The following PPFIA4 variants were observed in gnomAD, a reference collection of about 807,000 sequenced individuals.
PPFIA4 encodes the protein PPFI scaffold protein A4.
In PPFIA4, 98 loss-of-function variants were observed where a neutral mutation model predicts 145.7. The ratio of observed to expected loss-of-function variants is 0.67; its 90% CI spans 0.57 to 0.80. The LOEUF (loss-of-function observed/expected upper bound fraction) is 0.80, where lower values mean the gene tolerates loss of function less well. PPFIA4 is among the 30% of genes least tolerant of loss of function. PPFIA4 has a pLI of 0.00. For missense variants in PPFIA4, 1,457 were observed against 1,632.7 expected (o/e 0.89, Z 1.85); for synonymous variants, 628 against 649.6 (o/e 0.97, Z 0.51).
intron 25 of PPFIA4, 84 bp downstream of exon 25, chr1:203,064,087 C>CA: frequency 6.9e-7 from 1 of 1,441,228 alleles, no homozygotes; most frequent in Non-Finnish European, 9.4e-7. Flanking sequence ...ACAGAGGTGC[C>CA]TCCATCTCTT....
intron 13 of PPFIA4, among the ~76,000 whole-genome samples, chr1:203,050,144 T>C (rs1160767767): frequency 6.6e-6 from 1 of 152,148 alleles, no homozygotes; most frequent in Admixed American, 6.5e-5. Flanking sequence ...CCAGTTCTCT[T>C]GAGAGTCAAG....
At position 203,045,886 on chromosome 1, in the gene PPFIA4, G is replaced by A. The variant is rs1337287156; in HGVS notation, c.904G>A (p.Glu302Lys). Residue 302 changes from glutamate (E) to lysine (K), a missense_variant, in exon 8 of 30, where the codon GAG (glutamate) becomes AAG (lysine). By Grantham distance (56) the Glu-to-Lys change is moderately conservative (BLOSUM62 1). Around this residue, in one of 3 missense-constraint regions of PPFIA4, gnomAD observed 463 missense variants for 459.8 expected, o/e 1.01. Coordinates refer to ENST00000295706, the MANE Select transcript of PPFIA4 (RefSeq NM_001304331.2). Reference protein sequence around the residue: ...EDMEERITTLEKRYLAAQREA... With the variant: ...EDMEERITTLKKRYLAAQREA... The stretch of plus-strand genomic sequence containing the variant: ...CATGGAAGAGCGGATTACTACACTG[G>A]AGAAGCGCTACCTGGCTGCTCAGCG... 2.5e-6 allele frequency: 4 copies of A among 1,612,910 alleles called. No individual in the cohort carries two copies. Among genetic ancestry groups the A allele is most frequent in the Non-Finnish European group, 2.5e-6 (3 of 1,179,894 alleles).
In PPFIA4 at chr1:203,039,137, T is replaced by C; in HGVS notation, c.129T>C (p.Ser43=). The change falls in exon 2 of 30, where the codon TCT becomes TCC. Residue 43 remains serine, a synonymous_variant. Coordinates refer to ENST00000295706, the MANE Select transcript of PPFIA4 (RefSeq NM_001304331.2). ...ACGAGCGGGAGAAGTTGCTGGAGTC[T>C]CTTCGGGAGAGTCAGGAGACCTTGG... The part of the protein sequence containing the change: ...MLDEREKLLE[S]LRESQETLAA... The C allele has an allele frequency of 6.2e-7, 1 of 1,607,884 alleles. No homozygotes were observed. The highest frequency in any genetic ancestry group is 1.1e-5 in the South Asian group (1 of 90,196).
chr1:203,076,342 T>C lies in PPFIA4; in HGVS notation c.3576T>C (p.Ala1192=). 6.2e-7 allele frequency: 1 copy of C among 1,605,542 alleles called. No individual in the cohort carries two copies. The highest frequency in any genetic ancestry group is 8.5e-7 in the Non-Finnish European group (1 of 1,179,692). ...PAPPKKIMPE[A]HSHYLYGHML... is the part of the protein sequence containing the mutation. Reference sequence around the variant, plus strand: ...TGCCTGTCTCTCTCTCTCCCTCAGCTCACTCCCACTATCTCTACGGACACA... The same window carrying C: ...TGCCTGTCTCTCTCTCTCCCTCAGCCCACTCCCACTATCTCTACGGACACA... The change falls in exon 30 of 30, where the codon GCT becomes GCC. Residue 1192 remains alanine (A), a splice_region_variant and synonymous_variant. Transcript: ENST00000295706.
Position 203,075,955 on chromosome 1 carries a change from C to A in PPFIA4, c.3574+198C>A. 1 of 597,442 alleles carries A rather than the reference C, an allele frequency of 1.7e-6. No homozygotes were observed. Among genetic ancestry groups the A allele is most frequent in the Non-Finnish European group, 2.6e-6 (1 of 378,104 alleles). 37.0% of individuals were successfully genotyped at this position (597,442 alleles called of 1,614,324 possible). A position where few individuals can be genotyped will look rare whatever the true frequency, so the allele number is the denominator to read the frequency against. On this transcript the variant is annotated intron_variant, in intron 29 of 29. Coordinates refer to ENST00000295706, the MANE Select transcript of PPFIA4 (RefSeq NM_001304331.2). This position sits in a 1 kb window ranked among gnomAD's most constrained non-coding sequence, Gnocchi z 4.1. ...GCTCTGTGTGTTCTCCCGCGGCTGC[C>A]GACTTCTCCCAGCTGGGACGGCGGG...
At position 203,046,303 on chromosome 1, in the gene PPFIA4, T is replaced by C. The variant is rs772021603; in HGVS notation, c.1061T>C (p.Leu354Pro). The C allele has an allele frequency of 1.1e-5, 17 of 1,596,172 alleles. No homozygotes were observed. Among genetic ancestry groups the C allele is most frequent in the Non-Finnish European group, 1.3e-5 (15 of 1,172,182 alleles). Residue 354 changes from leucine to proline, a missense_variant, in exon 9 of 30, where the codon CTG becomes CCG. Coordinates refer to ENST00000295706, the MANE Select transcript of PPFIA4 (RefSeq NM_001304331.2). ...QELLEVAEQK[L>P]QQTMRKAETL... ...CTGCTGGAGGTGGCAGAGCAGAAGC[T>C]GCAGCAGACGATGCGCAAGGCAGAG...
At chr1:203,059,341 G>A in intron 20 of PPFIA4, 70 bp downstream of exon 20, 1 of 1,313,750 alleles carries the variant, frequency 7.6e-7, no homozygotes, top group Non-Finnish European at 1.1e-6. Flanking sequence ...CCCCTGGGCT[G>A]CTGTGAAACT....
At position 203,064,114 on chromosome 1, in the gene PPFIA4, A is replaced by T. The variant is rs149220095; in HGVS notation, c.3050+111A>T. On this transcript the variant is annotated intron_variant, in intron 25 of 29. Transcript: ENST00000295706. The stretch of plus-strand genomic sequence containing the variant: ...CCATCTCTTTCCGTGGTCTGTTCTG[A>T]GTGGCAACAGGTCTCCCCCTTGGGA... 216 of 1,176,902 alleles carry T rather than the reference A, an allele frequency of 1.8e-4. 2 individuals are homozygous for T. The African/African-American group carries it at 3.0e-3, about 16-fold the overall frequency. The allele number at this position is 1,176,902 out of a possible 1,614,324, so 72.9% of individuals were successfully genotyped here. A position where few individuals can be genotyped will look rare whatever the true frequency, so the allele number is the denominator to read the frequency against.
At position 203,067,765 on chromosome 1, in the gene PPFIA4, C is replaced by A; in HGVS notation, c.3121C>A (p.Arg1041=). The change falls in exon 26 of 30, where the codon CGA becomes AGA. Residue 1041 remains arginine, a synonymous_variant. Transcript: ENST00000295706. The part of the protein sequence containing the change: ...NYDRKELEKR[R]EESQHEIKDV... Reference sequence around the variant, plus strand: ...TGACCGGAAGGAGCTGGAGAAGAGGCGAGAGGAGAGCCAGCATGAGATCAA... The same window carrying A: ...TGACCGGAAGGAGCTGGAGAAGAGGAGAGAGGAGAGCCAGCATGAGATCAA... 6.2e-7 allele frequency: 1 copy of A among 1,613,668 alleles called. No homozygotes were observed.
At chr1:203,066,156 A>G (rs894958826) in intron 25 of PPFIA4, among the ~76,000 whole-genome samples, 1 of 152,218 alleles carries the variant, frequency 6.6e-6, no homozygotes, top group Non-Finnish European at 1.5e-5. Context: ...ACTGAAAATT[A>G]TAGTGAGTGA....
Position 203,076,440 on chromosome 1 carries a change from T to C in PPFIA4, c.*50T>C. 4 of 1,547,088 alleles carry C rather than the reference T, an allele frequency of 2.6e-6. No homozygotes were observed. Among genetic ancestry groups the C allele is most frequent in the Non-Finnish European group, 3.6e-6 (4 of 1,125,734 alleles). On this transcript the variant is annotated 3_prime_UTR_variant, in exon 30 of 30. Coordinates refer to ENST00000295706, the MANE Select transcript of PPFIA4 (RefSeq NM_001304331.2). Reference sequence around the variant, plus strand: ...TCCTTCTGGGTTTCACAGGCTCCTCTGGCCCTGACCCCTCTTGCTCGTTCC... The same window carrying C: ...TCCTTCTGGGTTTCACAGGCTCCTCCGGCCCTGACCCCTCTTGCTCGTTCC...
At chr1:203,041,091 T>C (rs1339661732) in intron 2 of PPFIA4, among the ~76,000 whole-genome samples, 1 of 152,224 alleles carries the variant, frequency 6.6e-6, no homozygotes. Context: ...CCAGCAAGGC[T>C]GTATCCTTTG....
At chr1:203,035,517 T>TCACACC (rs1229252563) in intron 1 of PPFIA4, 36 of 455,296 alleles carry the variant, frequency 7.9e-5, no homozygotes, top group Admixed American at 2.6e-4. Flanking sequence ...ACACGCACAC[T>TCACACC]CACACCCACT....
At position 203,059,767 on chromosome 1, in the gene PPFIA4, A is replaced by G. The variant is rs996964725; in HGVS notation, c.2502-3A>G. The G allele has an allele frequency of 3.1e-6, 5 of 1,612,664 alleles. No individual in the cohort carries two copies. The highest frequency in any genetic ancestry group is 4.2e-6 in the Non-Finnish European group (5 of 1,179,210). On this transcript the variant is annotated splice_region_variant and splice_polypyrimidine_tract_variant and intron_variant, in intron 20 of 29. Transcript: ENST00000295706. ...GTGAGTCTGTTGTTCCTCTTCCTATAAGACACCAGCTGCTTGAAGATGCCC... is the reference window on the plus strand; with the variant it reads ...GTGAGTCTGTTGTTCCTCTTCCTATGAGACACCAGCTGCTTGAAGATGCCC...
intron 1 of PPFIA4, among the ~76,000 whole-genome samples, chr1:203,030,643 CT>C (rs1183458296): frequency 2.6e-5 from 4 of 152,188 alleles, no homozygotes; most frequent in African/African-American, 7.2e-5. Flanking sequence ...AGCTTTCATT[CT>C]TTCAGTATCA....
In PPFIA4 at chr1:203,048,979, A is replaced by G. The variant is rs1280718214; in HGVS notation, c.1418A>G (p.Lys473Arg). Reference sequence around the variant, plus strand: ...CAGATTGAGGAGCAGCACCACCACAAGGTACCCGGCTGCGGCCAGCCCCGC... The same window carrying G: ...CAGATTGAGGAGCAGCACCACCACAGGGTACCCGGCTGCGGCCAGCCCCGC... Reference protein sequence around the residue: ...QRQIEEQHHHKGRLSEEIEKL... With the variant: ...QRQIEEQHHHRGRLSEEIEKL... Residue 473 changes from lysine (K) to arginine (R), a missense_variant and splice_region_variant, in exon 12 of 30, where the codon AAG becomes AGG. Around this residue, in one of 3 missense-constraint regions of PPFIA4, gnomAD observed 848 missense variants for 1,046.7 expected, o/e 0.81. Coordinates refer to ENST00000295706, the MANE Select transcript of PPFIA4 (RefSeq NM_001304331.2). The surrounding 1 kb of genome is among the most constrained non-coding windows in gnomAD (Gnocchi z 5.8). 1 of 1,548,422 alleles carries G rather than the reference A, an allele frequency of 6.5e-7. No individual in the cohort carries two copies. Among genetic ancestry groups the G allele is most frequent in the South Asian group, 1.2e-5 (1 of 83,952 alleles).
intron 1 of PPFIA4, among the ~76,000 whole-genome samples, chr1:203,028,159 T>C (rs534248679): frequency 1.3e-5 from 2 of 152,084 alleles, no homozygotes; most frequent in East Asian, 3.9e-4. Flanking sequence ...GATGGAATAG[T>C]GTGGGGGAGG....
chr1:203,048,966 C>G lies in PPFIA4; in HGVS notation c.1405C>G (p.Gln469Glu), dbSNP rs1342677187. 16 of 1,548,410 alleles carry G rather than the reference C, an allele frequency of 1.0e-5. No homozygotes were observed. Among genetic ancestry groups the G allele is most frequent in the African/African-American group, 1.4e-5 (1 of 72,912 alleles). The change falls in exon 12 of 30, where the codon CAG (glutamine) becomes GAG (glutamate). Residue 469 changes from glutamine (Q) to glutamate (E), a missense_variant. Gln to Glu is a conservative substitution (Grantham distance 29). Transcript: ENST00000295706. This position sits in a 1 kb window ranked among gnomAD's most constrained non-coding sequence, Gnocchi z 5.8. ...GAGCTCCCAGCGGCAGATTGAGGAG[C>G]AGCACCACCACAAGGTACCCGGCTG... ...LESSQRQIEE[Q>E]HHHKGRLSEE...
At position 203,060,177 on chromosome 1, in the gene PPFIA4, C is replaced by T. The variant is rs1242977018; in HGVS notation, c.2584-40C>T. 6.2e-7 allele frequency: 1 copy of T among 1,600,966 alleles called. No homozygotes were observed. Among genetic ancestry groups the T allele is most frequent in the East Asian group, 2.2e-5 (1 of 44,556 alleles). ...TGTTGCCAAACTCTTGGTGGTAGGG[C>T]CCAGGCCTTGAATTACCTCCCTGTG... On this transcript the variant is annotated intron_variant, in intron 21 of 29. Coordinates refer to ENST00000295706, the MANE Select transcript of PPFIA4 (RefSeq NM_001304331.2). The surrounding 1 kb of genome is among the most constrained non-coding windows in gnomAD (Gnocchi z 4.8).
Sources: allele counts gnomAD v4.1 joint callset (sites outside exome capture counted in the v4.1 genomes callset), GRCh38; gene constraint gnomAD v4.1.1; regional missense constraint gnomAD v4.1.1; non-coding constraint Gnocchi (gnomAD v3.1); transcripts MANE v1.5; gene names NCBI Gene and HGNC (gene_info 2026-07-23, HGNC 2026-07-21).